GRIA1: variants seen among roughly 807,000 people sequenced by gnomAD.
The protein encoded by GRIA1 is glutamate ionotropic receptor AMPA type subunit 1.
Under a neutral mutation model 99.2 loss-of-function variants are expected in GRIA1, and 31 were observed. The observed-to-expected ratio is 0.31, with a 90% CI of 0.23 to 0.42. The LOEUF (loss-of-function observed/expected upper bound fraction) is 0.42, where lower values mean the gene tolerates loss of function less well. GRIA1 is among the 10% of genes least tolerant of loss of function. The pLI, the probability that GRIA1 is intolerant of heterozygous loss-of-function variation, is 1.00. For missense variants in GRIA1, 782 were observed against 1,157.5 expected (o/e 0.68, Z 4.71); for synonymous variants, 438 against 432.4 (o/e 1.01, Z -0.16).
chr5:153,491,990 G>A (rs780147183), intron 1 of GRIA1, among the ~76,000 whole-genome samples: 3 of 152,182 alleles, frequency 2.0e-5, no homozygotes, highest in East Asian at 3.9e-4. Flanking sequence ...TGGGGCTTCC[G>A]TGTGACCAGC....
chr5:153,582,090 C>G (rs1763093234), intron 2 of GRIA1, among the ~76,000 whole-genome samples: 1 of 152,188 alleles, frequency 6.6e-6, no homozygotes, highest in Non-Finnish European at 1.5e-5. Flanking sequence ...TCTCCTGAAT[C>G]TCTAGCATGG....
intron 2 of GRIA1, among the ~76,000 whole-genome samples, chr5:153,582,379 C>T (rs1396171929): frequency 6.6e-6 from 1 of 152,130 alleles, no homozygotes; most frequent in Non-Finnish European, 1.5e-5. Flanking sequence ...TGGCATATTT[C>T]TGGGGAGAAG....
chr5:153,630,256 T>TATCATC (rs3037009), intron 2 of GRIA1, among the ~76,000 whole-genome samples: 10,130 of 151,148 alleles, frequency 0.067, 465 homozygotes, highest in Non-Finnish European at 0.099. Flanking sequence ...TAATGATAAT[T>TATCATC]ATCATCATCA....
At chr5:153,684,266 A>G (rs1301816407) in intron 7 of GRIA1, among the ~76,000 whole-genome samples, 2 of 152,248 alleles carry the variant, frequency 1.3e-5, no homozygotes, top group Non-Finnish European at 2.9e-5. Context: ...TTAGAAAGTA[A>G]TATTAGTATT....
intron 13 of GRIA1, among the ~76,000 whole-genome samples, chr5:153,794,113 C>G (rs1765482628): frequency 6.6e-6 from 1 of 152,172 alleles, no homozygotes; most frequent in Admixed American, 6.5e-5. Context: ...GAATGCCAAT[C>G]ATGTTGTTTT....
chr5:153,606,337 G>A (rs1765431569), intron 2 of GRIA1, among the ~76,000 whole-genome samples: 1 of 151,990 alleles, frequency 6.6e-6, no homozygotes, highest in Admixed American at 6.6e-5. Context: ...TTTGTATCTG[G>A]AACAGGAAGC....
chr5:153,808,538 T>TTTGC (rs1370289856), intron 15 of GRIA1, among the ~76,000 whole-genome samples: 1 of 152,216 alleles, frequency 6.6e-6, no homozygotes, highest in Non-Finnish European at 1.5e-5. Context: ...GTGGTTCAAC[T>TTTGC]TTGCTTGCAT....
intron 13 of GRIA1, among the ~76,000 whole-genome samples, chr5:153,787,691 G>T (rs1003340032): frequency 6.6e-6 from 1 of 152,108 alleles, no homozygotes; most frequent in Non-Finnish European, 1.5e-5. Flanking sequence ...GATGGTCCTC[G>T]CAGGTCTGTT....
At chr5:153,737,817 T>C (rs758075100) in intron 11 of GRIA1, among the ~76,000 whole-genome samples, 2 of 152,228 alleles carry the variant, frequency 1.3e-5, no homozygotes, top group Non-Finnish European at 2.9e-5. Context: ...GTAGGTACCT[T>C]GTCCATGGTT....
At chr5:153,623,753 GC>G (rs1245947620) in intron 2 of GRIA1, among the ~76,000 whole-genome samples, 1 of 152,160 alleles carries the variant, frequency 6.6e-6, no homozygotes, top group African/African-American at 2.4e-5. Context: ...CAAAATATAT[GC>G]ATTCAACATG....
At chr5:153,738,541 A>G (rs1486721199) in intron 11 of GRIA1, among the ~76,000 whole-genome samples, 3 of 152,110 alleles carry the variant, frequency 2.0e-5, no homozygotes, top group Non-Finnish European at 4.4e-5. Flanking sequence ...GGAGCCCTCA[A>G]AAAACTAGTG....
intron 2 of GRIA1, among the ~76,000 whole-genome samples, chr5:153,563,207 T>A (rs1761305115): frequency 6.6e-6 from 1 of 151,998 alleles, no homozygotes; most frequent in South Asian, 2.1e-4. Context: ...TTGCTTTTGT[T>A]GCTGTTTTCT....
intron 4 of GRIA1, 59 bp downstream of exon 4, chr5:153,650,573 C>A: frequency 1.3e-6 from 2 of 1,524,542 alleles, no homozygotes; most frequent in Non-Finnish European, 1.8e-6. Flanking sequence ...AATAGCCAGA[C>A]ACACTTTTGC....
Position 153,683,101 on chromosome 5 carries a change from G to A in GRIA1, c.1030-3124G>A, listed in dbSNP as rs181284522. Among the ~76,000 whole-genome samples, 323 of 152,276 alleles carry A rather than the reference G, an allele frequency of 2.1e-3. 2 individuals are homozygous for A. Among genetic ancestry groups the A allele is most frequent in the African/African-American group, 7.6e-3 (316 of 41,566 alleles). On this transcript the variant is annotated intron_variant, in intron 7 of 15. Coordinates refer to ENST00000285900, the MANE Select transcript of GRIA1 (RefSeq NM_000827.4). ...ATCTGACCTCAGACACCCTGGGATG[G>A]GGGGAGAGAGGGATAAGTGCCCAGA...
At chr5:153,689,468 C>T (rs1245242334) in intron 8 of GRIA1, among the ~76,000 whole-genome samples, 1 of 152,126 alleles carries the variant, frequency 6.6e-6, no homozygotes, top group Non-Finnish European at 1.5e-5. Flanking sequence ...ATATGGATGT[C>T]GAACTGTTTT....
At chr5:153,551,981 A>G (rs928072579) in intron 2 of GRIA1, among the ~76,000 whole-genome samples, 1 of 152,148 alleles carries the variant, frequency 6.6e-6, no homozygotes, top group Non-Finnish European at 1.5e-5. Context: ...AAGCAGTCAC[A>G]TGCTCTATTC....
chr5:153,523,597 G>T (rs1195380087), intron 2 of GRIA1, among the ~76,000 whole-genome samples: 1 of 152,054 alleles, frequency 6.6e-6, no homozygotes, highest in African/African-American at 2.4e-5. Context: ...CTAAATTTCA[G>T]GTCTGTCATT....
chr5:153,629,162 G>A (rs1044166982), intron 2 of GRIA1, among the ~76,000 whole-genome samples: 27 of 152,214 alleles, frequency 1.8e-4, no homozygotes, highest in African/African-American at 6.0e-4. Context: ...CTTTTCTTCC[G>A]CAGACTTAGG....
intron 2 of GRIA1, among the ~76,000 whole-genome samples, chr5:153,513,725 G>A (rs1756332972): frequency 6.6e-6 from 1 of 152,122 alleles, no homozygotes. Context: ...ATCATAAAGA[G>A]TAGTGATTAT....
Sources: allele counts gnomAD v4.1 joint callset (sites outside exome capture counted in the v4.1 genomes callset), GRCh38; gene constraint gnomAD v4.1.1; transcripts MANE v1.5; gene names NCBI Gene and HGNC (gene_info 2026-07-23, HGNC 2026-07-21).